R3HDM1: variants seen among roughly 807,000 people sequenced by gnomAD.
R3HDM1 encodes the protein R3H domain containing 1, also known as R3H domain-containing protein 1.
A neutral mutation model predicts 141.1 loss-of-function variants in R3HDM1; 46 were observed. That is an observed-to-expected ratio of 0.33 (90% CI 0.26 to 0.42). The LOEUF is 0.42. R3HDM1 is among the 10% of genes least tolerant of loss of function. R3HDM1 has a pLI of 1.00. For missense variants in R3HDM1, 1,184 were observed against 1,368.3 expected, an observed-to-expected ratio of 0.87 and a Z score of 2.12; for synonymous variants, 435 against 472.9, an observed-to-expected ratio of 0.92 and a Z score of 1.04.
chr2:135,558,073 A>G (rs1701113618), intron 1 of R3HDM1, among the ~76,000 whole-genome samples: 1 of 152,240 alleles, frequency 6.6e-6, no homozygotes, highest in Non-Finnish European at 1.5e-5. Flanking sequence ...AGAAATATCG[A>G]GTTATAGATT....
intron 21 of R3HDM1, among the ~76,000 whole-genome samples, chr2:135,694,475 G>C (rs1212644375): frequency 6.6e-6 from 1 of 152,138 alleles, no homozygotes; most frequent in African/African-American, 2.4e-5. Context: ...AGCCAAAATG[G>C]AGTAATATAG....
chr2:135,661,543 G>A, intron 19 of R3HDM1, 150 bp downstream of exon 19: 1 of 1,025,640 alleles, frequency 9.8e-7, no homozygotes, highest in South Asian at 1.7e-5. Context: ...GATTAAAAGA[G>A]TGAGCAAATC....
Position 135,631,868 on chromosome 2 carries a change from C to T in R3HDM1, c.565C>T (p.Arg189Cys), listed in dbSNP as rs760027028. 2.4e-5 allele frequency: 39 copies of T among 1,606,384 alleles called. No homozygotes were observed. Among genetic ancestry groups the T allele is most frequent in the Non-Finnish European group, 3.0e-5 (35 of 1,176,838 alleles). Residue 189 changes from arginine (R) to cysteine (C), a missense_variant, in exon 9 of 27, where the codon CGT becomes TGT. Physicochemically the swap from Arg to Cys is radical, Grantham distance 180. Around this residue, in one of 5 missense-constraint regions of R3HDM1, gnomAD observed 192 missense variants for 215.7 expected, o/e 0.89. Transcript: ENST00000683871. ...LDFIGNNESPRKKFPPMTSYH... is the reference protein window; with the variant it reads ...LDFIGNNESPCKKFPPMTSYH... ...TTTTTCTTGTGCTTCTAGGTCTCCA[C>T]GTAAAAAATTCCCCCCAATGACATC...
chr2:135,586,719 CAGCTGT>C, intron 1 of R3HDM1: 2 of 985,336 alleles, frequency 2.0e-6, no homozygotes, highest in Non-Finnish European at 2.4e-6. Flanking sequence ...ATTTACTTCT[CAGCTGT>C]AGCACCAATT....
Position 135,724,212 on chromosome 2 carries a change from A to C in R3HDM1, c.3325A>C (p.Asn1109His). 2 of 1,614,044 alleles carry C rather than the reference A, an allele frequency of 1.2e-6. No individual in the cohort carries two copies. The highest frequency in any genetic ancestry group is 1.7e-6 in the Non-Finnish European group (2 of 1,179,976). ...ACAGAATGCACTGAAGAAACAAATT[A>C]ACTCAGTTAACAAGTTTAAGCTGAG... Reference protein sequence around the residue: ...AAQNALKKQINSVNKFKLRTS... With the variant: ...AAQNALKKQIHSVNKFKLRTS... The change falls in exon 27 of 27, where the codon AAC (asparagine) becomes CAC (histidine). Residue 1109 changes from asparagine to histidine, a missense_variant. Coordinates refer to ENST00000683871, the MANE Select transcript of R3HDM1 (RefSeq NM_001378107.1).
intron 23 of R3HDM1, among the ~76,000 whole-genome samples, chr2:135,715,313 A>T (rs527902825): frequency 6.6e-6 from 1 of 152,240 alleles, no homozygotes; most frequent in South Asian, 2.1e-4. Flanking sequence ...CAGAGCTTGC[A>T]GTGAGCTGTG....
At chr2:135,694,586 A>G (rs2072954412) in intron 21 of R3HDM1, among the ~76,000 whole-genome samples, 1 of 152,244 alleles carries the variant, frequency 6.6e-6, no homozygotes, top group African/African-American at 2.4e-5. Flanking sequence ...AAACCCTGAG[A>G]GGGAGAAACA....
At chr2:135,606,735 A>G (rs1008460706) in intron 3 of R3HDM1, 3 of 144,400 alleles carry the variant, frequency 2.1e-5, no homozygotes, top group Non-Finnish European at 4.5e-5. Context: ...CAGCCTAGTG[A>G]CAGAGCAAGA....
At chr2:135,715,124 C>T (rs1335785083) in intron 23 of R3HDM1, among the ~76,000 whole-genome samples, 3 of 152,090 alleles carry the variant, frequency 2.0e-5, no homozygotes, top group Non-Finnish European at 2.9e-5. Context: ...CTGAGCCAGG[C>T]GGATCACAAG....
At chr2:135,683,553 CAAA>C (rs779221502) in intron 21 of R3HDM1, among the ~76,000 whole-genome samples, 6 of 42,830 alleles carry the variant, frequency 1.4e-4, no homozygotes, top group Non-Finnish European at 7.9e-5. Flanking sequence ...GAACCTATCT[CAAA>C]AAAAAAAAAA....
chr2:135,556,619 C>T (rs1259602085), intron 1 of R3HDM1, among the ~76,000 whole-genome samples: 1 of 151,538 alleles, frequency 6.6e-6, no homozygotes, highest in East Asian at 1.9e-4. Context: ...CCCGGGTTCA[C>T]GCCATTCTCC....
chr2:135,576,504 T>G (rs961554918), intron 1 of R3HDM1, among the ~76,000 whole-genome samples: 6 of 152,136 alleles, frequency 3.9e-5, no homozygotes, highest in African/African-American at 1.2e-4. Flanking sequence ...TAGAAAGAGA[T>G]AAAATTAGAT....
chr2:135,694,543 C>G (rs1436457142), intron 21 of R3HDM1, among the ~76,000 whole-genome samples: 1 of 152,120 alleles, frequency 6.6e-6, no homozygotes, highest in Non-Finnish European at 1.5e-5. Context: ...ACAGTAGTTT[C>G]TAGATATTGG....
intron 1 of R3HDM1, among the ~76,000 whole-genome samples, chr2:135,565,251 A>T (rs144282934): frequency 7.9e-5 from 12 of 151,836 alleles, no homozygotes; most frequent in African/African-American, 1.7e-4. Context: ...ACAACAGTTT[A>T]TGAGAGTGTA....
At chr2:135,554,408 C>G (rs1304936625) in intron 1 of R3HDM1, among the ~76,000 whole-genome samples, 1 of 152,156 alleles carries the variant, frequency 6.6e-6, no homozygotes, top group African/African-American at 2.4e-5. Context: ...TTTTATTCAT[C>G]AGTTGGTGGA....
chr2:135,567,464 T>C (rs1331802440), intron 1 of R3HDM1, among the ~76,000 whole-genome samples: 1 of 152,054 alleles, frequency 6.6e-6, no homozygotes, highest in Non-Finnish European at 1.5e-5. Context: ...GGGGAAGGGG[T>C]CTAGGGGCTT....
At chr2:135,696,519 G>C (rs1221154258) in intron 21 of R3HDM1, among the ~76,000 whole-genome samples, 1 of 152,094 alleles carries the variant, frequency 6.6e-6, no homozygotes, top group Non-Finnish European at 1.5e-5. Flanking sequence ...TTAGAGACTG[G>C]TTCTTGCTGT....
chr2:135,573,034 G>T (rs533177676), intron 1 of R3HDM1, among the ~76,000 whole-genome samples: 39 of 152,290 alleles, frequency 2.6e-4, no homozygotes, highest in African/African-American at 9.1e-4. Flanking sequence ...GCTAAAGAGG[G>T]CAGTTGCTCT....
intron 1 of R3HDM1, among the ~76,000 whole-genome samples, chr2:135,541,484 A>T (rs1211123384): frequency 1.3e-5 from 2 of 152,178 alleles, no homozygotes; most frequent in African/African-American, 4.8e-5. Context: ...CTGGGATTAC[A>T]GGCGTGAGCC....
Sources: allele counts gnomAD v4.1 joint callset (sites outside exome capture counted in the v4.1 genomes callset), GRCh38; gene constraint gnomAD v4.1.1; regional missense constraint gnomAD v4.1.1; transcripts MANE v1.5; gene names NCBI Gene and HGNC (gene_info 2026-07-23, HGNC 2026-07-21).